The following ODAPH variants were observed in gnomAD, a reference collection of about 807,000 sequenced individuals.
ODAPH encodes amelogenesis imperfecta type IIA4.
In ODAPH, 2 loss-of-function variants were observed where a neutral mutation model predicts 2.8. The ratio of observed to expected loss-of-function variants is 0.72; its 90% CI spans 0.30 to 2.28. The LOEUF is 2.28. Ranked by LOEUF, ODAPH falls within the 30% of genes most tolerant of loss-of-function variation. ODAPH has a pLI of 0.13. For missense variants in ODAPH, 159 were observed against 163.3 expected (o/e 0.97, Z 0.14); for synonymous variants, 75 against 60.3 (o/e 1.24, Z -1.13).
intron 1 of ODAPH, chr4:75,563,116 C>T (rs1167358405): frequency 6.8e-6 from 1 of 146,342 alleles, no homozygotes; most frequent in Non-Finnish European, 1.5e-5. Context: ...AGCTCTGCCT[C>T]CCGGGTTCAC....
chr4:75,564,385 T>C lies in ODAPH; in HGVS notation c.339T>C (p.Tyr113=), dbSNP rs752032704. The C allele has an allele frequency of 6.2e-7, 1 of 1,614,122 alleles. No individual in the cohort carries two copies. The highest frequency in any genetic ancestry group is 8.5e-7 in the Non-Finnish European group (1 of 1,180,032). Residue 113 remains tyrosine, a synonymous_variant, in exon 2 of 2, where the codon TAT becomes TAC. Coordinates refer to ENST00000311623, the MANE Select transcript of ODAPH (RefSeq NM_178497.5). ...ATTGGCCACACCGTTACCTTACTTA[T>C]AGGTATTTCCCCAGAAGAAGACTCC... ...PFYWPHRYLT[Y]RYFPRRRLQR... is the part of the protein sequence containing the mutation.
Position 75,556,222 on chromosome 4 carries a change from A to T in ODAPH, c.67+73A>T. On this transcript the variant is annotated intron_variant, in intron 1 of 1. Coordinates refer to ENST00000311623, the MANE Select transcript of ODAPH (RefSeq NM_178497.5). The stretch of plus-strand genomic sequence containing the variant: ...TGTAGGAAAAGACAAAACTGGCTCC[A>T]TGATTATACGTTCCCATAAATTGGA... 5.9e-6 allele frequency: 8 copies of T among 1,359,318 alleles called. No homozygotes were observed. The Middle Eastern group carries it at 7.2e-4, about 122-fold the overall frequency. 84.2% of individuals were successfully genotyped at this position (1,359,318 alleles called of 1,614,324 possible). A position where few individuals can be genotyped will look rare whatever the true frequency, so the allele number is the denominator to read the frequency against.
Position 75,564,233 on chromosome 4 carries a change from C to T in ODAPH, c.187C>T (p.Pro63Ser), listed in dbSNP as rs745542848. 26 of 1,614,252 alleles carry T rather than the reference C, an allele frequency of 1.6e-5. No homozygotes were observed. The Middle Eastern group carries it at 4.9e-4, about 31-fold the overall frequency. The change falls in exon 2 of 2, where the codon CCC becomes TCC. Residue 63 changes from proline (P) to serine (S), a missense_variant. Coordinates refer to ENST00000311623, the MANE Select transcript of ODAPH (RefSeq NM_178497.5). ...APRSPVTRAQPITKTPRCPFH... is the reference protein window; with the variant it reads ...APRSPVTRAQSITKTPRCPFH... ...GAGGAGTCCGGTCACAAGGGCCCAG[C>T]CCATCACAAAGACACCCAGGTGTCC...
downstream of ODAPH, chr4:75,564,837 G>A (rs1465708103): frequency 2.0e-5 from 7 of 352,360 alleles, no homozygotes; most frequent in East Asian, 6.8e-5. Context: ...TGATGACACC[G>A]TTTTTATACT....
intron 1 of ODAPH, among the ~76,000 whole-genome samples, chr4:75,558,945 C>G (rs1727455527): frequency 6.6e-6 from 1 of 152,190 alleles, no homozygotes; most frequent in African/African-American, 2.4e-5. Flanking sequence ...ATCTGCCTGG[C>G]TCAGCCTCCC....
intron 1 of ODAPH, among the ~76,000 whole-genome samples, chr4:75,557,514 C>T (rs1380315557): frequency 2.0e-5 from 3 of 152,106 alleles, no homozygotes; most frequent in Non-Finnish European, 4.4e-5. Flanking sequence ...TGGTGCATGC[C>T]TGTAATCCCA....
In ODAPH at chr4:75,564,754, G is replaced by C. The variant is rs1578299474; in HGVS notation, c.*315G>C. 1.9e-6 allele frequency: 1 copy of C among 537,636 alleles called. No individual in the cohort carries two copies. The highest frequency in any genetic ancestry group is 3.3e-6 in the Non-Finnish European group (1 of 304,568). The allele number at this position is 537,636 out of a possible 1,614,324, so 33.3% of individuals were successfully genotyped here. A position where few individuals can be genotyped will look rare whatever the true frequency, so the allele number is the denominator to read the frequency against. ...ATTCCTATCCATACTAAGATGCTGA[G>C]AGAATCCATCTCCTCCTCTAAATTA... On this transcript the variant is annotated 3_prime_UTR_variant, in exon 2 of 2. Coordinates refer to ENST00000311623, the MANE Select transcript of ODAPH (RefSeq NM_178497.5).
rs938731812 is a variant in ODAPH at position 75,564,584 on chromosome 4, G to C, written c.*145G>C. On this transcript the variant is annotated 3_prime_UTR_variant, in exon 2 of 2. Coordinates refer to ENST00000311623, the MANE Select transcript of ODAPH (RefSeq NM_178497.5). ...TCCTAAACATCACTGACTAGAAACT[G>C]TTCTCTTTGTCAGCAGTGAAGATAT... The C allele has an allele frequency of 6.6e-7, 1 of 1,520,838 alleles. No individual in the cohort carries two copies. The highest frequency in any genetic ancestry group is 1.2e-5 in the South Asian group (1 of 82,586). 94.2% of individuals were successfully genotyped at this position (1,520,838 alleles called of 1,614,324 possible).
chr4:75,558,847 C>A (rs1213562682), intron 1 of ODAPH, among the ~76,000 whole-genome samples: 2 of 152,140 alleles, frequency 1.3e-5, no homozygotes, highest in African/African-American at 4.8e-5. Flanking sequence ...AAGTGTCTGC[C>A]ACCATGCCCG....
rs748102550 is a variant in ODAPH, at chr4:75,564,425, T to C, written c.379T>C (p.Ser127Pro). Residue 127 changes from serine to proline, a missense_variant, in exon 2 of 2, where the codon TCT (serine) becomes CCT (proline). Coordinates refer to ENST00000311623, the MANE Select transcript of ODAPH (RefSeq NM_178497.5). ...PRRRLQRGSS[S>P]EES is the part of the protein sequence containing the mutation. ...AAGAAGACTCCAGAGAGGAAGCTCATCTGAGGAAAGCTGAGAGGGAAGAGA... is the reference window on the plus strand; with the variant it reads ...AAGAAGACTCCAGAGAGGAAGCTCACCTGAGGAAAGCTGAGAGGGAAGAGA... The C allele has an allele frequency of 1.2e-5, 20 of 1,614,022 alleles. 2 individuals carry two copies. The South Asian group carries it at 2.1e-4, about 17-fold the overall frequency.
rs535010194 is a variant in ODAPH, at chr4:75,562,150, C to T, written c.68-1964C>T. 4.6e-5 allele frequency among the ~76,000 whole-genome samples: 7 copies of T among 152,222 alleles called. No individual in the cohort carries two copies. In the East Asian group the frequency reaches 1.4e-3, roughly 29 times the overall value. The stretch of plus-strand genomic sequence containing the variant: ...TCCAATCAGCCATAGCCAGAAGGTG[C>T]GTAGGACTGACAACTGACATTTCCA... On this transcript the variant is annotated intron_variant, in intron 1 of 1. Transcript: ENST00000311623.
chr4:75,556,956 G>A (rs1282011772), intron 1 of ODAPH, among the ~76,000 whole-genome samples: 1 of 152,136 alleles, frequency 6.6e-6, no homozygotes, highest in Admixed American at 6.5e-5. Context: ...CATGTCTTGG[G>A]TAGGGGGCTT....
chr4:75,556,482 C>A, intron 1 of ODAPH: 1 of 1,415,058 alleles, frequency 7.1e-7, no homozygotes, highest in Non-Finnish European at 9.6e-7. Context: ...AAGCTAAAAA[C>A]ACTGTACAAA....
chr4:75,564,933 G>A (rs182304537), downstream of ODAPH: 2 of 197,040 alleles, frequency 1.0e-5, no homozygotes, highest in South Asian at 8.3e-5. Context: ...AAAGTTATGA[G>A]GAGTCTGACT....
chr4:75,557,691 A>G (rs1260826550), intron 1 of ODAPH, among the ~76,000 whole-genome samples: 4 of 152,138 alleles, frequency 2.6e-5, no homozygotes, highest in Admixed American at 6.5e-5. Context: ...AATTTGGCTC[A>G]CTTTTCCCTA....
At position 75,564,170 on chromosome 4, in the gene ODAPH, G is replaced by A. The variant is rs148555641; in HGVS notation, c.124G>A (p.Asp42Asn). 1.8e-4 allele frequency: 285 copies of A among 1,614,154 alleles called. No individual in the cohort carries two copies. Among genetic ancestry groups the A allele is most frequent in the Middle Eastern group, 4.9e-4 (3 of 6,062 alleles). ...GDSQNNADATDCQIFTLTPPP... is the reference protein window; with the variant it reads ...GDSQNNADATNCQIFTLTPPP... ...TTCACAAAATAATGCGGACGCTACC[G>A]ACTGCCAGATCTTTACACTCACCCC... Residue 42 changes from aspartate (D) to asparagine (N), a missense_variant, in exon 2 of 2, where the codon GAC becomes AAC. Physicochemically the swap from Asp to Asn is conservative, Grantham distance 23. Transcript: ENST00000311623.
rs1286296532 is a variant in ODAPH, at chr4:75,564,098, G to A, written c.68-16G>A. On this transcript the variant is annotated splice_polypyrimidine_tract_variant and intron_variant, in intron 1 of 1. Coordinates refer to ENST00000311623, the MANE Select transcript of ODAPH (RefSeq NM_178497.5). The stretch of plus-strand genomic sequence containing the variant: ...TTACCAGACCTGTTTCCTGACTTGC[G>A]TTTTCCTCTCCACAGGACAAGAAGA... The A allele has an allele frequency of 4.3e-6, 7 of 1,613,696 alleles. No homozygotes were observed. In the Admixed American group the frequency reaches 5.0e-5, roughly 12 times the overall value.
chr4:75,564,490 G>GA lies in ODAPH; in HGVS notation c.*57dup, dbSNP rs1727737191. The GA allele has an allele frequency of 2.5e-6, 4 of 1,612,960 alleles. No individual in the cohort carries two copies. Among genetic ancestry groups the GA allele is most frequent in the Non-Finnish European group, 3.4e-6 (4 of 1,179,908 alleles). ...GAAGCAAAAAAAAGCCTATCCTTCA[G>GA]AAAAAAGCAACAAAAAGATTTCTGT... is the stretch of plus-strand genomic sequence containing the variant. On this transcript the variant is annotated 3_prime_UTR_variant, in exon 2 of 2. Coordinates refer to ENST00000311623, the MANE Select transcript of ODAPH (RefSeq NM_178497.5).
At chr4:75,561,978 C>T (rs1248364480) in intron 1 of ODAPH, among the ~76,000 whole-genome samples, 1 of 152,206 alleles carries the variant, frequency 6.6e-6, no homozygotes, top group African/African-American at 2.4e-5. Context: ...GGCTTCTCTG[C>T]ATTCTCAACA....
Sources: gnomAD v4.1 joint callset for allele counts (sites outside exome capture counted in the v4.1 genomes callset) on GRCh38, gnomAD v4.1.1 for gene constraint, MANE v1.5 for transcripts, NCBI Gene and HGNC (gene_info 2026-07-23, HGNC 2026-07-21) for gene names.